Variants in WWOX observed in about 807,000 individuals in gnomAD.
WWOX encodes WW domain-containing oxidoreductase.
Under a neutral mutation model 46.2 loss-of-function variants are expected in WWOX, and 69 were observed. The ratio of observed to expected loss-of-function variants is 1.49; its 90% CI spans 1.23 to 1.82. The LOEUF (loss-of-function observed/expected upper bound fraction) is 1.82, where lower values mean the gene tolerates loss of function less well. WWOX is among the 40% of genes most tolerant of loss of function. The pLI is 0.00. For missense variants in WWOX, 919 were observed against 542.6 expected, an observed-to-expected ratio of 1.69 and a Z score of -6.89; for synonymous variants, 359 against 202.6, an observed-to-expected ratio of 1.77 and a Z score of -6.56.
At chr16:79,132,166 A>ACACACACG (rs1260096040) in intron 8 of WWOX, among the ~76,000 whole-genome samples, 1 of 141,770 alleles carries the variant, frequency 7.1e-6, no homozygotes, top group African/African-American at 2.7e-5. Flanking sequence ...ACACACACAC[A>ACACACACG]CCCCTTCCTA....
intron 5 of WWOX, among the ~76,000 whole-genome samples, chr16:78,265,045 G>C (rs2079333695): frequency 7.5e-6 from 1 of 132,748 alleles, no homozygotes; most frequent in Admixed American, 8.6e-5. Context: ...CCGTCGTCCA[G>C]GTTGGAGTGC....
chr16:79,167,695 A>C (rs1325607409), intron 8 of WWOX, among the ~76,000 whole-genome samples: 1 of 151,966 alleles, frequency 6.6e-6, no homozygotes, highest in African/African-American at 2.4e-5. Context: ...GACTTCAAAA[A>C]CCCTTGTATC....
chr16:78,789,207 G>A (rs571661045), intron 8 of WWOX, among the ~76,000 whole-genome samples: 1 of 152,200 alleles, frequency 6.6e-6, no homozygotes, highest in African/African-American at 2.4e-5. Context: ...GAGCAGAAGG[G>A]AAACATGGTT....
At chr16:78,460,975 G>C (rs2083933894) in intron 8 of WWOX, among the ~76,000 whole-genome samples, 1 of 148,862 alleles carries the variant, frequency 6.7e-6, no homozygotes, top group African/African-American at 2.5e-5. Context: ...CTAAGTTCTT[G>C]CCACAGGTAG....
intron 5 of WWOX, among the ~76,000 whole-genome samples, chr16:78,236,825 C>A (rs549669029): frequency 1.3e-5 from 2 of 152,000 alleles, no homozygotes; most frequent in Non-Finnish European, 2.9e-5. Flanking sequence ...ACCTGTAATC[C>A]CAGCACTTTG....
At chr16:78,492,414 G>T (rs1261231877) in intron 8 of WWOX, among the ~76,000 whole-genome samples, 1 of 152,190 alleles carries the variant, frequency 6.6e-6, no homozygotes, top group East Asian at 1.9e-4. Flanking sequence ...CTCATCTGTG[G>T]ATAAAACTGA....
intron 8 of WWOX, among the ~76,000 whole-genome samples, chr16:78,968,678 C>T (rs907019374): frequency 6.6e-6 from 1 of 152,162 alleles, no homozygotes; most frequent in East Asian, 1.9e-4. Flanking sequence ...TCGGGAGAGG[C>T]AGAATGTGTC....
At chr16:78,353,019 TATTC>T (rs1420814736) in intron 5 of WWOX, among the ~76,000 whole-genome samples, 6 of 152,358 alleles carry the variant, frequency 3.9e-5, no homozygotes, top group African/African-American at 1.2e-4. Flanking sequence ...ATGGGTAATT[TATTC>T]GTCTTTCTTC....
At chr16:78,798,582 T>A (rs1380104797) in intron 8 of WWOX, among the ~76,000 whole-genome samples, 2 of 119,660 alleles carry the variant, frequency 1.7e-5, no homozygotes, top group South Asian at 6.4e-4. Flanking sequence ...CCAAGGTAGT[T>A]GTTGTTGGGT....
chr16:78,296,632 G>C (rs2079947832), intron 5 of WWOX, among the ~76,000 whole-genome samples: 2 of 151,744 alleles, frequency 1.3e-5, no homozygotes, highest in South Asian at 4.2e-4. Context: ...AAATATGAAA[G>C]TTTTGTAATG....
chr16:78,974,424 C>G (rs1394569310), intron 8 of WWOX, among the ~76,000 whole-genome samples: 1 of 152,102 alleles, frequency 6.6e-6, no homozygotes, highest in Non-Finnish European at 1.5e-5. Flanking sequence ...TGGAAAGAGT[C>G]TTGGTAAATT....
At chr16:78,226,048 G>T (rs901156762) in intron 5 of WWOX, among the ~76,000 whole-genome samples, 5 of 152,080 alleles carry the variant, frequency 3.3e-5, no homozygotes, top group Non-Finnish European at 1.5e-5. Context: ...CGAAAACTTG[G>T]CATGTTGGCT....
At chr16:79,180,133 G>A (rs190578882) in intron 8 of WWOX, among the ~76,000 whole-genome samples, 7 of 152,266 alleles carry the variant, frequency 4.6e-5, no homozygotes, top group Admixed American at 4.6e-4. Flanking sequence ...AGACTCTGGG[G>A]AATCCAGAGT....
At chr16:78,354,081 A>G (rs1487603967) in intron 5 of WWOX, among the ~76,000 whole-genome samples, 1 of 152,140 alleles carries the variant, frequency 6.6e-6, no homozygotes, top group Non-Finnish European at 1.5e-5. Context: ...TAATTCCTGG[A>G]TGTTTTCCAG....
At chr16:78,325,867 AATG>A (rs760491500) in intron 5 of WWOX, among the ~76,000 whole-genome samples, 19 of 152,334 alleles carry the variant, frequency 1.2e-4, no homozygotes, top group Admixed American at 2.0e-4. Flanking sequence ...TAATGACAAC[AATG>A]ATGATGATTT....
In WWOX at chr16:79,201,229, G is replaced by A. The variant is rs992320180; in HGVS notation, c.1057-10379G>A. 2.0e-5 allele frequency among the ~76,000 whole-genome samples: 3 copies of A among 152,068 alleles called. No homozygotes were observed. The East Asian group carries it at 5.8e-4, about 29-fold the overall frequency. On this transcript the variant is annotated intron_variant, in intron 8 of 8. Transcript: ENST00000566780. ...AAATACCTGGATCTATCTTCCTCCTGCTGATTCTCAGCTCCCTCCAGGACT... is the reference window on the plus strand; with the variant it reads ...AAATACCTGGATCTATCTTCCTCCTACTGATTCTCAGCTCCCTCCAGGACT...
At chr16:78,762,397 C>A (rs976513321) in intron 8 of WWOX, among the ~76,000 whole-genome samples, 1 of 152,186 alleles carries the variant, frequency 6.6e-6, no homozygotes, top group Non-Finnish European at 1.5e-5. Context: ...CTTGGTGACT[C>A]GTGTGTACTT....
At chr16:78,412,888 T>C (rs1435622390) in intron 6 of WWOX, among the ~76,000 whole-genome samples, 1 of 152,200 alleles carries the variant, frequency 6.6e-6, no homozygotes, top group Non-Finnish European at 1.5e-5. Flanking sequence ...GCAACCTGCC[T>C]AGGTCAAGTG....
At chr16:78,410,637 C>T (rs2082657459) in intron 6 of WWOX, among the ~76,000 whole-genome samples, 1 of 151,532 alleles carries the variant, frequency 6.6e-6, no homozygotes, top group Non-Finnish European at 1.5e-5. Context: ...TGGTGAAACG[C>T]CATACTAAAA....
Sources: allele counts gnomAD v4.1 joint callset (sites outside exome capture counted in the v4.1 genomes callset), GRCh38; gene constraint gnomAD v4.1.1; transcripts MANE v1.5; gene names NCBI Gene and HGNC (gene_info 2026-07-23, HGNC 2026-07-21).